Variants in SLC25A21 observed in about 807,000 individuals in gnomAD.
SLC25A21 encodes mitochondrial 2-oxodicarboxylate carrier.
In SLC25A21, 47 loss-of-function variants were observed where a neutral mutation model predicts 43.8. The observed-to-expected ratio is 1.07, with a 90% CI of 0.85 to 1.37. The LOEUF (loss-of-function observed/expected upper bound fraction) is 1.37. SLC25A21 is among the 40% of genes most tolerant of loss of function. The pLI, the probability that SLC25A21 is intolerant of heterozygous loss-of-function variation, is 0.00. For synonymous variants in SLC25A21, 131 were observed against 121.3 expected, an observed-to-expected ratio of 1.08 and a Z score of -0.52; for missense variants, 352 against 350.2, an observed-to-expected ratio of 1.00 and a Z score of -0.04.
At chr14:37,050,366 T>C (rs757145450) in intron 1 of SLC25A21, among the ~76,000 whole-genome samples, 2 of 152,222 alleles carry the variant, frequency 1.3e-5, no homozygotes, top group South Asian at 2.1e-4. Context: ...CTTTCATGTA[T>C]ACTCATGTAT....
chr14:36,777,007 C>T (rs935946534), intron 3 of SLC25A21, among the ~76,000 whole-genome samples: 1 of 152,186 alleles, frequency 6.6e-6, no homozygotes, highest in Non-Finnish European at 1.5e-5. Flanking sequence ...CGCCTGTAAT[C>T]CCAGCACTCT....
intron 1 of SLC25A21, among the ~76,000 whole-genome samples, chr14:37,063,049 G>C (rs1961983039): frequency 6.6e-6 from 1 of 152,166 alleles, no homozygotes; most frequent in Non-Finnish European, 1.5e-5. Context: ...GAGAGAATGA[G>C]TGCCCAGCAA....
At chr14:36,863,404 G>A (rs1174463556) in intron 2 of SLC25A21, among the ~76,000 whole-genome samples, 1 of 150,594 alleles carries the variant, frequency 6.6e-6, no homozygotes, top group African/African-American at 2.5e-5. Context: ...TTAAAATTTA[G>A]ACAAAACAGA....
chr14:36,898,872 A>T (rs899964325), intron 1 of SLC25A21, among the ~76,000 whole-genome samples: 1 of 152,220 alleles, frequency 6.6e-6, no homozygotes, highest in Non-Finnish European at 1.5e-5. Flanking sequence ...GTTGTACAAC[A>T]TGATGACTTT....
At chr14:36,916,356 CCTGA>C (rs1291762261) in intron 1 of SLC25A21, among the ~76,000 whole-genome samples, 1 of 152,122 alleles carries the variant, frequency 6.6e-6, no homozygotes, top group Non-Finnish European at 1.5e-5. Context: ...TTATTTTAGA[CCTGA>C]CTATCAGGGA....
chr14:36,981,491 T>C (rs1326424411), intron 1 of SLC25A21, among the ~76,000 whole-genome samples: 1 of 152,206 alleles, frequency 6.6e-6, no homozygotes, highest in African/African-American at 2.4e-5. Context: ...ATATACACCA[T>C]GGAATGCTAT....
chr14:36,991,803 T>G (rs1431865936), intron 1 of SLC25A21, among the ~76,000 whole-genome samples: 1 of 152,176 alleles, frequency 6.6e-6, no homozygotes, highest in African/African-American at 2.4e-5. Flanking sequence ...CTGCTTCCCC[T>G]GCAGGGCTGA....
intron 1 of SLC25A21, among the ~76,000 whole-genome samples, chr14:36,884,734 A>C (rs1890864297): frequency 6.6e-6 from 1 of 152,148 alleles, no homozygotes. Flanking sequence ...ATTACTGATG[A>C]TGAGCATTTT....
intron 3 of SLC25A21, among the ~76,000 whole-genome samples, chr14:36,770,100 C>T (rs188851093): frequency 3.9e-4 from 59 of 152,258 alleles, no homozygotes; most frequent in African/African-American, 1.2e-3. Context: ...TTCACAATAA[C>T]AAAGACATGG....
At chr14:36,942,441 C>T (rs1414032637) in intron 1 of SLC25A21, among the ~76,000 whole-genome samples, 1 of 152,136 alleles carries the variant, frequency 6.6e-6, no homozygotes, top group African/African-American at 2.4e-5. Context: ...CAGTTGTCTA[C>T]CTTGGCTCTC....
At chr14:36,859,532 G>A (rs1296022576) in intron 2 of SLC25A21, among the ~76,000 whole-genome samples, 1 of 152,200 alleles carries the variant, frequency 6.6e-6, no homozygotes. Context: ...CTGGACTGGA[G>A]TTAAGAGGCT....
intron 3 of SLC25A21, among the ~76,000 whole-genome samples, chr14:36,811,062 A>G (rs1226435396): frequency 6.7e-6 from 1 of 148,776 alleles, no homozygotes; most frequent in Non-Finnish European, 1.5e-5. Flanking sequence ...GAGCATGGAA[A>G]AGCCCTGAGC....
chr14:37,138,336 A>T (rs1963517679), intron 1 of SLC25A21, among the ~76,000 whole-genome samples: 1 of 152,232 alleles, frequency 6.6e-6, no homozygotes, highest in Non-Finnish European at 1.5e-5. Flanking sequence ...AGGGAGTCAT[A>T]TTCAAAATTT....
At chr14:36,687,353 C>G (rs1183690881) in intron 7 of SLC25A21, among the ~76,000 whole-genome samples, 3 of 152,116 alleles carry the variant, frequency 2.0e-5, no homozygotes, top group African/African-American at 7.2e-5. Flanking sequence ...TTACAAAATA[C>G]AGATGCCTGG....
At chr14:36,734,152 C>T (rs1467582975) in intron 4 of SLC25A21, among the ~76,000 whole-genome samples, 1 of 152,146 alleles carries the variant, frequency 6.6e-6, no homozygotes, top group Non-Finnish European at 1.5e-5. Context: ...CTTTCCTCTT[C>T]CCTCCATCTC....
At chr14:36,729,269 C>T (rs1380185815) in intron 5 of SLC25A21, among the ~76,000 whole-genome samples, 1 of 151,980 alleles carries the variant, frequency 6.6e-6, no homozygotes, top group African/African-American at 2.4e-5. Flanking sequence ...TATTCTTGAC[C>T]ATATCTCATA....
At chr14:36,685,140 A>G (rs372233131) in intron 7 of SLC25A21, among the ~76,000 whole-genome samples, 1 of 152,210 alleles carries the variant, frequency 6.6e-6, no homozygotes, top group Admixed American at 6.5e-5. Context: ...GCTGAAGTAC[A>G]CATTTCCTCA....
chr14:37,115,049 G>A (rs1278923538), intron 1 of SLC25A21, among the ~76,000 whole-genome samples: 1 of 152,104 alleles, frequency 6.6e-6, no homozygotes, highest in Non-Finnish European at 1.5e-5. Context: ...TCCAAATGTG[G>A]GATGGCCAGA....
chr14:37,129,692 C>T (rs1464174087), intron 1 of SLC25A21, among the ~76,000 whole-genome samples: 1 of 150,472 alleles, frequency 6.6e-6, no homozygotes, highest in African/African-American at 2.4e-5. Flanking sequence ...AAAAAAAAGT[C>T]CACCCAGGAG....
Sources: allele counts gnomAD v4.1 joint callset (sites outside exome capture counted in the v4.1 genomes callset), GRCh38; gene constraint gnomAD v4.1.1; transcripts MANE v1.5; gene names NCBI Gene and HGNC (gene_info 2026-07-23, HGNC 2026-07-21).